The following GUF1 variants were observed in gnomAD, a reference collection of about 807,000 sequenced individuals.
The protein encoded by GUF1 is translation factor GUF1, mitochondrial.
Under a neutral mutation model 82.4 loss-of-function variants are expected in GUF1, and 78 were observed. The observed-to-expected ratio is 0.95, with a 90% CI of 0.79 to 1.14. The LOEUF (loss-of-function observed/expected upper bound fraction) is 1.14, where lower values mean the gene tolerates loss of function less well. Ranked by LOEUF, GUF1 falls within the 50% of genes most tolerant of loss-of-function variation. The pLI, the probability that GUF1 is intolerant of heterozygous loss-of-function variation, is 0.00. For missense variants in GUF1, 814 were observed against 798.2 expected (o/e 1.02, Z -0.24); for synonymous variants, 279 against 282.3 (o/e 0.99, Z 0.12).
chr4:44,683,184 A>G (rs1415114167), intron 5 of GUF1, 51 bp from the exon 6 acceptor site: 1 of 1,149,430 alleles, frequency 8.7e-7, no homozygotes, highest in East Asian at 2.5e-5. Context: ...GTTAATACAT[A>G]ATACATCTTA....
In GUF1 at chr4:44,678,713, C is replaced by G. The variant is rs766274707; in HGVS notation, c.91C>G (p.Arg31Gly). 11 of 1,510,548 alleles carry G rather than the reference C, an allele frequency of 7.3e-6. No homozygotes were observed. The highest frequency in any genetic ancestry group is 8.7e-6 in the Non-Finnish European group (10 of 1,143,256). The allele number at this position is 1,510,548 out of a possible 1,614,324, so 93.6% of individuals were successfully genotyped here. ...CGCGCTTCTGGTGGCCCCGGGGCCC[C>G]GGTCCGCGCCGACCCTTGGGGCTGC... The part of the protein sequence containing the change: ...GAALLVAPGP[R>G]SAPTLGAAPE... The change falls in exon 1 of 17, where the codon CGG (arginine) becomes GGG (glycine). Residue 31 changes from arginine (R) to glycine (G), a missense_variant. Physicochemically the swap from Arg to Gly is moderately radical, Grantham distance 125 (BLOSUM62 -2). Coordinates refer to ENST00000281543, the MANE Select transcript of GUF1 (RefSeq NM_021927.3).
chr4:44,697,474 T>G, intron 16 of GUF1, 30 bp downstream of exon 16: 1 of 1,203,208 alleles, frequency 8.3e-7, no homozygotes, highest in East Asian at 2.5e-5. Context: ...TATTCTACTT[T>G]ATAACTTTTA....
At chr4:44,695,878 G>T in intron 15 of GUF1, 144 bp downstream of exon 15, 1 of 764,868 alleles carries the variant, frequency 1.3e-6, no homozygotes, top group East Asian at 2.8e-5. Context: ...CCAGTTTTCT[G>T]ATTTAAGTAA....
At chr4:44,697,553 C>T (rs886745482) in intron 16 of GUF1, 109 bp downstream of exon 16, 21 of 531,378 alleles carry the variant, frequency 4.0e-5, no homozygotes, top group Non-Finnish European at 6.9e-5. Context: ...TTCTTTGTTT[C>T]CAAGTTCCCT....
At chr4:44,695,472 C>T (rs563068069) in intron 14 of GUF1, 143 bp from the exon 15 acceptor site, 2 of 476,578 alleles carry the variant, frequency 4.2e-6, no homozygotes, top group Non-Finnish European at 3.5e-6. Flanking sequence ...GTTCATGATT[C>T]AGAGAGTAAG....
At chr4:44,680,627 T>C in intron 2 of GUF1, 67 bp from the exon 3 acceptor site, 2 of 1,435,556 alleles carry the variant, frequency 1.4e-6, no homozygotes, top group South Asian at 2.7e-5. Flanking sequence ...AAATTTTAAT[T>C]TTATAAGTAA....
In GUF1 at chr4:44,682,376, G is replaced by A. The variant is rs1229433863; in HGVS notation, c.550G>A (p.Glu184Lys). 3.3e-6 allele frequency: 5 copies of A among 1,537,680 alleles called. No individual in the cohort carries two copies. Among genetic ancestry groups the A allele is most frequent in the Non-Finnish European group, 2.6e-6 (3 of 1,143,358 alleles). Residue 184 changes from glutamate to lysine, a missense_variant, in exon 5 of 17, where the codon GAA (glutamate) becomes AAA (lysine). Glu to Lys is a moderately conservative substitution (Grantham distance 56, BLOSUM62 1). Transcript: ENST00000281543. ...QTVANFFLAF[E>K]AQLSVIPVIN... Reference sequence around the variant, plus strand: ...TGTAGCAAACTTCTTTCTTGCCTTCGAAGCACAGCTATCGGTAATTCCAGT... The same window carrying A: ...TGTAGCAAACTTCTTTCTTGCCTTCAAAGCACAGCTATCGGTAATTCCAGT...
intron 3 of GUF1, 113 bp from the exon 4 acceptor site, chr4:44,681,010 A>G (rs1714741967): frequency 1.7e-6 from 2 of 1,166,684 alleles, no homozygotes; most frequent in African/African-American, 3.1e-5. Context: ...CAGGCTACAA[A>G]AAAGAAACGA....
In GUF1 at chr4:44,689,176, G is replaced by A. The variant is rs1715256839; in HGVS notation, c.1079-110G>A. 3 of 966,154 alleles carry A rather than the reference G, an allele frequency of 3.1e-6. 1 individual carries two copies. Among genetic ancestry groups the A allele is most frequent in the Non-Finnish European group, 4.1e-6 (3 of 725,982 alleles). 59.8% of individuals were successfully genotyped at this position (966,154 alleles called of 1,614,324 possible). Reference sequence around the variant, plus strand: ...ATTTTGGTCAATAAAATACAAGAAAGTAATTTAAAAGGTAAATGACTAATT... The same window carrying A: ...ATTTTGGTCAATAAAATACAAGAAAATAATTTAAAAGGTAAATGACTAATT... On this transcript the variant is annotated intron_variant, in intron 9 of 16. Coordinates refer to ENST00000281543, the MANE Select transcript of GUF1 (RefSeq NM_021927.3).
intron 14 of GUF1, 42 bp from the exon 15 acceptor site, chr4:44,695,573 T>C: frequency 6.4e-7 from 1 of 1,556,316 alleles, no homozygotes; most frequent in Non-Finnish European, 8.7e-7. Flanking sequence ...CTTGAAATAT[T>C]CTTATTTAGG....
chr4:44,689,004 C>T (rs17572429), intron 9 of GUF1, among the ~76,000 whole-genome samples: 79,152 of 150,248 alleles, frequency 0.53, 22,184 homozygotes, highest in Non-Finnish European at 0.64. Flanking sequence ...AGGCCTAATT[C>T]CCATGTTTTT....
At position 44,688,096 on chromosome 4, in the gene GUF1, C is replaced by G. The variant is rs1560344500; in HGVS notation, c.1028C>G (p.Pro343Arg). Residue 343 changes from proline (P) to arginine (R), a missense_variant, in exon 9 of 17, where the codon CCA becomes CGA. Pro to Arg is a moderately radical substitution (Grantham distance 103, BLOSUM62 -2). Coordinates refer to ENST00000281543, the MANE Select transcript of GUF1 (RefSeq NM_021927.3). ...GATACATTATGTTTACATAAGCAAC[C>G]AGTGGAGCCCTTGCCTGGGTTTAAA... ...IGDTLCLHKQPVEPLPGFKSA... is the reference protein window; with the variant it reads ...IGDTLCLHKQRVEPLPGFKSA... 1.2e-6 allele frequency: 2 copies of G among 1,612,164 alleles called. No individual in the cohort carries two copies. The highest frequency in any genetic ancestry group is 8.5e-7 in the Non-Finnish European group (1 of 1,178,656).
chr4:44,682,477 C>A, intron 5 of GUF1, 66 bp downstream of exon 5: 1 of 826,982 alleles, frequency 1.2e-6, no homozygotes, highest in South Asian at 2.3e-5. Flanking sequence ...GTTTAAATGT[C>A]AGTTGTACTA....
rs754745662 is a variant in GUF1 at position 44,678,652 on chromosome 4, G to T, written c.30G>T (p.Gly10=). Residue 10 remains glycine (G), a synonymous_variant, in exon 1 of 17, where the codon GGG becomes GGT. Coordinates refer to ENST00000281543, the MANE Select transcript of GUF1 (RefSeq NM_021927.3). The stretch of plus-strand genomic sequence containing the variant: ...GGACCCTCGTGGGTCGGGGCTGGGG[G>T]TGCGCACGCGCTCTCGCGCCACGAG... MWTLVGRGW[G]CARALAPRAT... is the part of the protein sequence containing the mutation. 4.0e-6 allele frequency: 6 copies of T among 1,485,100 alleles called. No homozygotes were observed. In the South Asian group the frequency reaches 8.7e-5, roughly 21 times the overall value. 92.0% of individuals were successfully genotyped at this position (1,485,100 alleles called of 1,614,324 possible). A position where few individuals can be genotyped will look rare whatever the true frequency, so the allele number is the denominator to read the frequency against.
At chr4:44,695,515 C>CT (rs1412455216) in intron 14 of GUF1, 100 bp from the exon 15 acceptor site, 20 of 924,400 alleles carry the variant, frequency 2.2e-5, no homozygotes, top group Non-Finnish European at 1.6e-6. Flanking sequence ...TTTGAACCTC[C>CT]TTAAGAGATC....
intron 13 of GUF1, among the ~76,000 whole-genome samples, chr4:44,692,783 G>A (rs1715532098): frequency 6.6e-6 from 1 of 151,828 alleles, no homozygotes; most frequent in African/African-American, 2.4e-5. Context: ...TTTCAGACAA[G>A]ACCTTGAGCA....
rs200843707 is a variant in GUF1, at chr4:44,683,307, G to T, written c.658G>T (p.Glu220Ter). Reference protein sequence around the residue: ...IEKVFDIPSDECIKISAKLGT... With the variant: ...IEKVFDIPSD ...GAAAGTGTTTGATATTCCAAGTGAT[G>T]AATGTATTAAGGTAAAATACGTTCC... is the stretch of plus-strand genomic sequence containing the variant. Residue 220 changes from glutamate to a stop codon, truncating the protein, a stop_gained, in exon 6 of 17, where the codon GAA becomes TAA. Transcript: ENST00000281543. LOFTEE classifies it high-confidence loss of function. 120 of 1,565,864 alleles carry T rather than the reference G, an allele frequency of 7.7e-5. No individual in the cohort carries two copies. The highest frequency in any genetic ancestry group is 4.0e-4 in the Admixed American group (22 of 54,322).
At position 44,680,192 on chromosome 4, in the gene GUF1, G is replaced by T. The variant is rs1386560303; in HGVS notation, c.166-249G>T. On this transcript the variant is annotated intron_variant, in intron 1 of 16. Coordinates refer to ENST00000281543, the MANE Select transcript of GUF1 (RefSeq NM_021927.3). ...ACGATAATAAATTCAGTTCCTGATT[G>T]GCCCTAAAAATTGTGTAGAAATGTT... is the stretch of plus-strand genomic sequence containing the variant. Among the ~76,000 whole-genome samples the T allele has an allele frequency of 1.3e-5, 2 of 152,054 alleles. 1 individual carries two copies.
Position 44,695,681 on chromosome 4 carries a change from G to A in GUF1, c.1782G>A (p.Leu594=). 1 of 1,613,226 alleles carries A rather than the reference G, an allele frequency of 6.2e-7. No individual in the cohort carries two copies. Among genetic ancestry groups the A allele is most frequent in the Non-Finnish European group, 8.5e-7 (1 of 1,179,500 alleles). The part of the protein sequence containing the change: ...ERLKDSLPRQ[L]FEIAIQAAIG... ...TGAAGGATTCTCTTCCTAGGCAACT[G>A]TTTGAGATAGCAATTCAAGCTGCTA... The change falls in exon 15 of 17, where the codon CTG becomes CTA. Residue 594 remains leucine (L), a synonymous_variant. Transcript: ENST00000281543.
Sources: gnomAD v4.1 joint callset for allele counts (sites outside exome capture counted in the v4.1 genomes callset) on GRCh38, gnomAD v4.1.1 for gene constraint, MANE v1.5 for transcripts, NCBI Gene and HGNC (gene_info 2026-07-23, HGNC 2026-07-21) for gene names.